Variants in EPHA6 observed in about 807,000 individuals in gnomAD.
EPHA6 encodes the protein ephrin type-A receptor 6.
Under a neutral mutation model 112.0 loss-of-function variants are expected in EPHA6, and 50 were observed. The ratio of observed to expected loss-of-function variants is 0.45; its 90% confidence interval spans 0.36 to 0.56. The LOEUF (loss-of-function observed/expected upper bound fraction) is 0.56, where lower values mean the gene tolerates loss of function less well. EPHA6 is among the 20% of genes least tolerant of loss of function. The pLI, the probability that EPHA6 is intolerant of heterozygous loss-of-function variation, is 0.00. For synonymous variants in EPHA6, 529 were observed against 490.7 expected, an observed-to-expected ratio of 1.08 and a Z score of -1.03; for missense variants, 1,280 against 1,417.4, an observed-to-expected ratio of 0.90 and a Z score of 1.56.
intron 10 of EPHA6, among the ~76,000 whole-genome samples, chr3:97,524,732 A>T (rs2092594562): frequency 2.0e-5 from 3 of 152,012 alleles, no homozygotes; most frequent in African/African-American, 4.8e-5. Flanking sequence ...TTTCTGAAGG[A>T]CTGTGTTGCT....
rs115217831 is a variant in EPHA6 at position 97,105,777 on chromosome 3, G to A, written c.1114+117784G>A. On this transcript the variant is annotated intron_variant, in intron 3 of 17. Transcript: ENST00000389672. ...TGTTGAAATCTCTCACTATTACTGTGTGGGAGTCAAAGTCCCTTTGTAGGT... is the reference window on the plus strand; with the variant it reads ...TGTTGAAATCTCTCACTATTACTGTATGGGAGTCAAAGTCCCTTTGTAGGT... Among the ~76,000 whole-genome samples the A allele has an allele frequency of 6.0e-3, 914 of 152,234 alleles. 7 individuals carry two copies. The highest frequency in any genetic ancestry group is 0.02 in the African/African-American group (825 of 41,574).
At chr3:96,903,700 C>A (rs537445224) in intron 2 of EPHA6, among the ~76,000 whole-genome samples, 5 of 151,960 alleles carry the variant, frequency 3.3e-5, no homozygotes, top group Non-Finnish European at 5.9e-5. Flanking sequence ...ATTTTTGCAA[C>A]CTACTCATCT....
chr3:97,296,487 G>T (rs1425428405), intron 5 of EPHA6, among the ~76,000 whole-genome samples: 6 of 152,184 alleles, frequency 3.9e-5, no homozygotes, highest in African/African-American at 1.2e-4. Context: ...TGATAGCAGT[G>T]GAGAAAGCCA....
chr3:97,348,444 TATTTTAAAGCAA>T (rs1427733427), intron 5 of EPHA6, among the ~76,000 whole-genome samples: 1 of 152,048 alleles, frequency 6.6e-6, no homozygotes, highest in African/African-American at 2.4e-5. Flanking sequence ...CCTTCCAAGT[TATTTTAAAGCAA>T]TCTTGATTCC....
rs532079931 is a variant in EPHA6, at chr3:97,543,736, G to T, written c.2386+11193G>T. Reference sequence around the variant, plus strand: ...TTCTTCCTACCCATGAGCATGGAATGTTCTTCCATTTGTTTGTCTCCTCTT... The same window carrying T: ...TTCTTCCTACCCATGAGCATGGAATTTTCTTCCATTTGTTTGTCTCCTCTT... On this transcript the variant is annotated intron_variant, in intron 11 of 17. Transcript: ENST00000389672. Among the ~76,000 whole-genome samples, 7 of 152,074 alleles carry T rather than the reference G, an allele frequency of 4.6e-5. No individual in the cohort carries two copies. In the East Asian group the frequency reaches 1.3e-3, roughly 29 times the overall value.
At chr3:97,528,115 G>A (rs2092648164) in intron 10 of EPHA6, among the ~76,000 whole-genome samples, 2 of 152,102 alleles carry the variant, frequency 1.3e-5, no homozygotes, top group South Asian at 2.1e-4. Flanking sequence ...AGGATTTCTG[G>A]TGTTTTGGGG....
chr3:96,980,385 G>A (rs1264182210), intron 2 of EPHA6, among the ~76,000 whole-genome samples: 1 of 149,120 alleles, frequency 6.7e-6, no homozygotes, highest in African/African-American at 2.5e-5. Context: ...TATTTCTGAG[G>A]GGTCTGTTCT....
chr3:96,876,222 C>A (rs1314342625), intron 2 of EPHA6, among the ~76,000 whole-genome samples: 2 of 151,134 alleles, frequency 1.3e-5, no homozygotes, highest in African/African-American at 4.9e-5. Context: ...CTCCATGAGC[C>A]ACCATGCCTG....
At chr3:97,473,761 G>C (rs1158728683) in intron 7 of EPHA6, among the ~76,000 whole-genome samples, 1 of 151,736 alleles carries the variant, frequency 6.6e-6, no homozygotes, top group African/African-American at 2.4e-5. Flanking sequence ...TGATATCGGT[G>C]CTATTTTGAA....
chr3:97,256,845 C>G (rs1161489711), intron 5 of EPHA6, among the ~76,000 whole-genome samples: 2 of 151,922 alleles, frequency 1.3e-5, no homozygotes, highest in African/African-American at 2.4e-5. Flanking sequence ...GATATGGAAA[C>G]TTTTTAACAT....
At chr3:97,614,508 T>TATTTA (rs58695610) in intron 13 of EPHA6, among the ~76,000 whole-genome samples, 21 of 144,004 alleles carry the variant, frequency 1.5e-4, no homozygotes, top group Admixed American at 4.2e-4. Flanking sequence ...CTAATTTTTT[T>TATTTA]TTTTTTTTTT....
At chr3:96,997,871 A>C (rs1430075409) in intron 3 of EPHA6, among the ~76,000 whole-genome samples, 1 of 152,034 alleles carries the variant, frequency 6.6e-6, no homozygotes, top group East Asian at 1.9e-4. Flanking sequence ...GGTTGCCACA[A>C]ACCTTCTATG....
At chr3:96,840,181 A>G (rs2034651855) in intron 1 of EPHA6, among the ~76,000 whole-genome samples, 1 of 151,980 alleles carries the variant, frequency 6.6e-6, no homozygotes, top group Non-Finnish European at 1.5e-5. Context: ...CAGTTGTACC[A>G]TGTACCTGAA....
At position 97,479,349 on chromosome 3, in the gene EPHA6, T is replaced by C. The variant is rs367678192; in HGVS notation, c.2059T>C (p.Leu687=). 1 of 1,606,312 alleles carries C rather than the reference T, an allele frequency of 6.2e-7. No homozygotes were observed. Among genetic ancestry groups the C allele is most frequent in the Admixed American group, 1.7e-5 (1 of 58,646 alleles). ...MKSEEKRRNH[L]QNGHLRFPGI... ...GTCAGAAGAGAAGAGAAGAAACCAC[T>C]TACAGAATGGGCATTGTAAGTAGCG... is the stretch of plus-strand genomic sequence containing the variant. The change falls in exon 9 of 18, where the codon TTA becomes CTA. Residue 687 remains leucine (L), a synonymous_variant. Transcript: ENST00000389672.
Position 96,904,995 on chromosome 3 carries a change from G to A in EPHA6, c.450+38106G>A, listed in dbSNP as rs117797599. On this transcript the variant is annotated intron_variant, in intron 2 of 17. Coordinates refer to ENST00000389672, the MANE Select transcript of EPHA6 (RefSeq NM_001080448.3). ...GAAAAGCAAATATATTCCTGAAACC[G>A]TAAATCCAACAATGGTAGCCATATA... Among the ~76,000 whole-genome samples the A allele has an allele frequency of 1.3e-4, 20 of 152,156 alleles. No individual in the cohort carries two copies. In the East Asian group the frequency reaches 3.3e-3, roughly 25 times the overall value.
At chr3:97,546,497 A>T (rs1033832254) in intron 11 of EPHA6, among the ~76,000 whole-genome samples, 1 of 151,820 alleles carries the variant, frequency 6.6e-6, no homozygotes, top group African/African-American at 2.4e-5. Context: ...TGCCCTTAAC[A>T]TTTTTTCCTT....
chr3:97,429,360 G>A lies in EPHA6; in HGVS notation c.1732-19208G>A, dbSNP rs532338169. Among the ~76,000 whole-genome samples, 14 of 151,990 alleles carry A rather than the reference G, an allele frequency of 9.2e-5. No homozygotes were observed. The South Asian group carries it at 1.7e-3, about 18-fold the overall frequency. ...TGAGGGTTATGGAAAATTAATCCCCGGTGGCAGAGTGAATCCCTTAAATTT... is the reference window on the plus strand; with the variant it reads ...TGAGGGTTATGGAAAATTAATCCCCAGTGGCAGAGTGAATCCCTTAAATTT... On this transcript the variant is annotated intron_variant, in intron 6 of 17. Transcript: ENST00000389672.
intron 11 of EPHA6, among the ~76,000 whole-genome samples, chr3:97,561,949 G>A (rs144316801): frequency 5.5e-4 from 84 of 152,194 alleles, no homozygotes; most frequent in Non-Finnish European, 1.0e-3. Flanking sequence ...AAGCAACAAA[G>A]CTTGCATGAC....
intron 6 of EPHA6, among the ~76,000 whole-genome samples, chr3:97,414,538 C>A (rs1478947177): frequency 2.0e-5 from 3 of 151,920 alleles, no homozygotes; most frequent in Non-Finnish European, 4.4e-5. Flanking sequence ...CGCATAGTAA[C>A]CGATGTATAG....
Sources: allele counts gnomAD v4.1 joint callset (sites outside exome capture counted in the v4.1 genomes callset), GRCh38; gene constraint gnomAD v4.1.1; transcripts MANE v1.5; gene names NCBI Gene and HGNC (gene_info 2026-07-23, HGNC 2026-07-21).